The following TRAF3IP2 variants were observed in gnomAD, a reference collection of about 807,000 sequenced individuals.
TRAF3IP2 encodes the protein E3 ubiquitin ligase TRAF3IP2.
In TRAF3IP2, 35 loss-of-function variants were observed where a neutral mutation model predicts 57.9. That is an observed-to-expected ratio of 0.60 (90% CI 0.46 to 0.80). The LOEUF (loss-of-function observed/expected upper bound fraction) is 0.80. TRAF3IP2 is among the 30% of genes least tolerant of loss of function. The pLI is 0.00. For missense variants in TRAF3IP2, 556 were observed against 706.4 expected, an observed-to-expected ratio of 0.79 and a Z score of 2.41; for synonymous variants, 251 against 268.9, an observed-to-expected ratio of 0.93 and a Z score of 0.65.
chr6:111,566,389 A>G, intron 7 of TRAF3IP2, 55 bp downstream of exon 7: 1 of 1,382,674 alleles, frequency 7.2e-7, no homozygotes, highest in African/African-American at 1.4e-5. Flanking sequence ...ACTTCCCTGG[A>G]CAAGGTATCC....
In TRAF3IP2 at chr6:111,557,421, GAA is replaced by G. The variant is rs1562413957; in HGVS notation, c.*1982_*1983del. The stretch of plus-strand genomic sequence containing the variant: ...AAATTATCAACCTGAGGGTATTGTT[GAA>G]GTTTTTTTTTTTTTTTTTTTTTTTG... On this transcript the variant is annotated 3_prime_UTR_variant, in exon 9 of 9. Transcript: ENST00000368761. The G allele has an allele frequency of 1.3e-4, 19 of 141,104 alleles. No homozygotes were observed. The highest frequency in any genetic ancestry group is 5.1e-4 in the African/African-American group (19 of 37,336). The allele number at this position is 141,104 out of a possible 1,614,324, so 8.7% of individuals were successfully genotyped here. A position where few individuals can be genotyped will look rare whatever the true frequency, so the allele number is the denominator to read the frequency against.
chr6:111,592,110 A>G lies in TRAF3IP2; in HGVS notation c.-8-16T>C. 1 of 1,601,574 alleles carries G rather than the reference A, an allele frequency of 6.2e-7. No homozygotes were observed. The highest frequency in any genetic ancestry group is 8.5e-7 in the Non-Finnish European group (1 of 1,170,816). On this transcript the variant is annotated splice_polypyrimidine_tract_variant and intron_variant, in intron 1 of 8. Transcript: ENST00000368761. ...ATTCTAGTTTCTGGAACAAGAGAAA[A>G]CATGCTATAGCCTTAGAAGACAGAT...
chr6:111,595,369 G>A, intron 1 of TRAF3IP2, among the ~76,000 whole-genome samples: 1 of 152,270 alleles, frequency 6.6e-6, no homozygotes, highest in East Asian at 1.9e-4. Flanking sequence ...AATGGACCCT[G>A]GTGTTTCAAA....
chr6:111,601,008 AC>A (rs1796843601), intron 1 of TRAF3IP2: 1 of 510,064 alleles, frequency 2.0e-6, no homozygotes, highest in Admixed American at 2.9e-5. Context: ...TTCCGAGGTC[AC>A]ATGGCTATTA....
At chr6:111,581,234 G>A (rs1796154598) in intron 2 of TRAF3IP2, among the ~76,000 whole-genome samples, 1 of 152,226 alleles carries the variant, frequency 6.6e-6, no homozygotes, top group South Asian at 2.1e-4. Context: ...AACCAAGTAA[G>A]GGTGAGAGGG....
rs1018547875 is a variant in TRAF3IP2 at position 111,567,919 on chromosome 6, T to C, written c.1291-227A>G. Among the ~76,000 whole-genome samples, 10 of 152,388 alleles carry C rather than the reference T, an allele frequency of 6.6e-5. No homozygotes were observed. The South Asian group carries it at 1.2e-3, about 19-fold the overall frequency. ...GTTAATGTTATGTCCATAATTAGGA[T>C]ATTGTGATACACATCAAAATATATC... is the stretch of plus-strand genomic sequence containing the variant. On this transcript the variant is annotated intron_variant, in intron 5 of 8. Transcript: ENST00000368761.
At chr6:111,574,648 GCTA>G (rs1209749150) in intron 4 of TRAF3IP2, 1 of 152,212 alleles carries the variant, frequency 6.6e-6, no homozygotes, top group Non-Finnish European at 1.5e-5. Flanking sequence ...GATGGCTGCT[GCTA>G]ACTTATGGTG....
At chr6:111,561,024 A>G (rs1377063782) in intron 8 of TRAF3IP2, among the ~76,000 whole-genome samples, 2 of 152,134 alleles carry the variant, frequency 1.3e-5, no homozygotes, top group Admixed American at 1.3e-4. Context: ...TCTACTAAAC[A>G]TACAAAAATT....
intron 2 of TRAF3IP2, among the ~76,000 whole-genome samples, chr6:111,589,206 G>A (rs1010041758): frequency 3.3e-5 from 5 of 150,702 alleles, no homozygotes; most frequent in African/African-American, 4.9e-5. Flanking sequence ...GATTACAGGC[G>A]CCCGCCACAA....
At chr6:111,605,133 A>G (rs1206459588) in intron 1 of TRAF3IP2, among the ~76,000 whole-genome samples, 1 of 151,720 alleles carries the variant, frequency 6.6e-6, no homozygotes, top group South Asian at 2.1e-4. Context: ...CTTGAACTTG[A>G]AAGTCACAAG....
At chr6:111,566,730 C>T (rs1795652920) in intron 6 of TRAF3IP2, among the ~76,000 whole-genome samples, 170 bp from the exon 7 acceptor site, 1 of 152,174 alleles carries the variant, frequency 6.6e-6, no homozygotes, top group Non-Finnish European at 1.5e-5. Context: ...TCCAGCCCAG[C>T]CCCACCTTGA....
chr6:111,567,494 G>C, intron 6 of TRAF3IP2, 130 bp downstream of exon 6: 4 of 1,328,072 alleles, frequency 3.0e-6, no homozygotes, highest in Non-Finnish European at 3.9e-6. Context: ...TTCCAACAAG[G>C]GAGGCTTTGT....
chr6:111,566,375 T>C, intron 7 of TRAF3IP2, 69 bp downstream of exon 7: 6 of 1,252,626 alleles, frequency 4.8e-6, no homozygotes, highest in Non-Finnish European at 6.9e-6. Flanking sequence ...TGGGGAAGAA[T>C]GGGACTTCCC....
chr6:111,574,798 T>C (rs895666206), intron 4 of TRAF3IP2: 10 of 152,242 alleles, frequency 6.6e-5, no homozygotes, highest in Admixed American at 1.3e-4. Context: ...TAAGGAAATC[T>C]AGAGGTAAGC....
chr6:111,568,975 T>G (rs1239264299), intron 5 of TRAF3IP2, among the ~76,000 whole-genome samples: 1 of 152,220 alleles, frequency 6.6e-6, no homozygotes, highest in African/African-American at 2.4e-5. Context: ...CATGTTTCAT[T>G]TATGTCTGCT....
rs748095541 is a variant in TRAF3IP2 at position 111,591,978 on chromosome 6, G to A, written c.109C>T (p.Pro37Ser). 3.3e-5 allele frequency: 54 copies of A among 1,614,074 alleles called. No individual in the cohort carries two copies. The highest frequency in any genetic ancestry group is 1.7e-4 in the Admixed American group (10 of 60,006). Residue 37 changes from proline (P) to serine (S), a missense_variant, in exon 2 of 9, where the codon CCA (proline) becomes TCA (serine). This residue lies in a region of TRAF3IP2 where 428 missense variants were observed against 498.7 expected (regional missense o/e 0.86). Coordinates refer to ENST00000368761, the MANE Select transcript of TRAF3IP2 (RefSeq NM_147686.4). The surrounding 1 kb of genome is among the most constrained non-coding windows in gnomAD (Gnocchi z 4.9). ...TTGGGTGCCATGTTCCTTATATTTG[G>A]AGCAGGTGGTTCTGATTCCTCTTCC... ...SPEEESEPPA[P>S]NIRNMAPNSL...
At chr6:111,587,348 C>T (rs113204270) in intron 2 of TRAF3IP2, among the ~76,000 whole-genome samples, 9 of 152,188 alleles carry the variant, frequency 5.9e-5, no homozygotes, top group South Asian at 4.2e-4. Flanking sequence ...CTCCACCTTC[C>T]GGGTTCAAGT....
chr6:111,579,126 C>T (rs11153300), intron 3 of TRAF3IP2, among the ~76,000 whole-genome samples: 53,167 of 150,930 alleles, frequency 0.35, 11,080 homozygotes, highest in East Asian at 0.48. Flanking sequence ...GTCATGAGTT[C>T]GAGACTAGCC....
rs1253080494 is a variant in TRAF3IP2, at chr6:111,558,289, A to G, written c.*1116T>C. On this transcript the variant is annotated 3_prime_UTR_variant, in exon 9 of 9. Coordinates refer to ENST00000368761, the MANE Select transcript of TRAF3IP2 (RefSeq NM_147686.4). The stretch of plus-strand genomic sequence containing the variant: ...AACCAAAATTAGAACACAGACTACA[A>G]TTCTAGCCTACATCCCCCAACACTT... 1 of 152,218 alleles carries G rather than the reference A, an allele frequency of 6.6e-6. No individual in the cohort carries two copies. The highest frequency in any genetic ancestry group is 1.5e-5 in the Non-Finnish European group (1 of 68,032). 9.4% of individuals were successfully genotyped at this position (152,218 alleles called of 1,614,324 possible).
Sources: allele counts gnomAD v4.1 joint callset (sites outside exome capture counted in the v4.1 genomes callset), GRCh38; gene constraint gnomAD v4.1.1; regional missense constraint gnomAD v4.1.1; non-coding constraint Gnocchi (gnomAD v3.1); transcripts MANE v1.5; gene names NCBI Gene and HGNC (gene_info 2026-07-23, HGNC 2026-07-21).